DCLK2: variants seen among roughly 807,000 people sequenced by gnomAD.
DCLK2 encodes the protein doublecortin like kinase 2.
In DCLK2, 31 loss-of-function variants were observed where a neutral mutation model predicts 78.4. The observed-to-expected ratio is 0.40, with a 90% CI of 0.30 to 0.53. The LOEUF (loss-of-function observed/expected upper bound fraction) is 0.53. Ranked by LOEUF, DCLK2 falls within the 20% of genes least tolerant of loss-of-function variation. The pLI is 0.61. For missense variants in DCLK2, 872 were observed against 973.7 expected, an observed-to-expected ratio of 0.90 and a Z score of 1.39; for synonymous variants, 407 against 374.9, an observed-to-expected ratio of 1.09 and a Z score of -0.99.
At chr4:150,147,232 A>G (rs953777119) in intron 2 of DCLK2, among the ~76,000 whole-genome samples, 1 of 152,164 alleles carries the variant, frequency 6.6e-6, no homozygotes, top group Non-Finnish European at 1.5e-5. Flanking sequence ...CAGGAGTTCA[A>G]GGTTACAGTG....
chr4:150,218,124 C>T (rs1740883958), intron 5 of DCLK2, among the ~76,000 whole-genome samples: 1 of 129,236 alleles, frequency 7.7e-6, no homozygotes. Flanking sequence ...CCTGTTCCTT[C>T]TGAGGCTCAA....
chr4:150,252,545 T>C (rs1744252078), intron 15 of DCLK2, among the ~76,000 whole-genome samples: 2 of 152,234 alleles, frequency 1.3e-5, no homozygotes, highest in Admixed American at 6.5e-5. Context: ...GCTGACATTC[T>C]GGAATGATTA....
rs1309518200 is a variant in DCLK2 at position 150,249,703 on chromosome 4, G to T, written c.2073+19G>T. On this transcript the variant is annotated intron_variant, in intron 15 of 15. Transcript: ENST00000296550. ...CATCATGGTGAGTGGAAGGCGGCAG[G>T]TCTGGCCTGACTGCGGAGCCGGCCT... The T allele has an allele frequency of 3.7e-6, 6 of 1,603,284 alleles. No homozygotes were observed. In the East Asian group the frequency reaches 6.7e-5, roughly 18 times the overall value.
At chr4:150,223,147 A>G (rs149266219) in intron 7 of DCLK2, among the ~76,000 whole-genome samples, 242 of 152,290 alleles carry the variant, frequency 1.6e-3, no homozygotes, top group African/African-American at 5.7e-3. Context: ...GAGTCCTTTT[A>G]CCCAGTTCTT....
At chr4:150,144,437 G>A (rs1042755534) in intron 2 of DCLK2, among the ~76,000 whole-genome samples, 3 of 152,032 alleles carry the variant, frequency 2.0e-5, no homozygotes, top group Non-Finnish European at 4.4e-5. Flanking sequence ...CCATTGATCC[G>A]TGTGCATATT....
intron 10 of DCLK2, among the ~76,000 whole-genome samples, chr4:150,234,926 C>G (rs1010844834): frequency 1.3e-5 from 2 of 152,198 alleles, no homozygotes; most frequent in African/African-American, 4.8e-5. Context: ...CACCGTCGAA[C>G]TGAGTTTGGC....
intron 3 of DCLK2, among the ~76,000 whole-genome samples, chr4:150,195,196 C>T (rs371864741): frequency 8.4e-4 from 2 of 2,394 alleles, no homozygotes; most frequent in Non-Finnish European, 4.6e-3. Flanking sequence ...ATTATATAAA[C>T]AATATTATAT....
chr4:150,243,286 G>A (rs552964029), intron 12 of DCLK2, among the ~76,000 whole-genome samples: 1 of 152,228 alleles, frequency 6.6e-6, no homozygotes, highest in South Asian at 2.1e-4. Context: ...TTCAGAAGCA[G>A]GTCATAGACC....
rs982859820 is a variant in DCLK2, at chr4:150,102,579, C to G, written c.523C>G (p.Arg175Gly). The change falls in exon 2 of 16, where the codon CGA (arginine) becomes GGA (glycine). Residue 175 changes from arginine to glycine, a missense_variant. Arg to Gly is a moderately radical substitution (Grantham distance 125). Coordinates refer to ENST00000296550, the MANE Select transcript of DCLK2 (RefSeq NM_001040260.4). ...TGTGAACATCAAGGGTGGGACATCC[C>G]GAGCGCTGGCTGCTGCCTCCTCTGT... ...WSVNIKGGTSRALAAASSVKS... is the reference protein window; with the variant it reads ...WSVNIKGGTSGALAAASSVKS... 1.2e-6 allele frequency: 2 copies of G among 1,613,968 alleles called. No homozygotes were observed. Among genetic ancestry groups the G allele is most frequent in the African/African-American group, 2.7e-5 (2 of 74,892 alleles).
At chr4:150,229,661 C>T (rs963361081) in intron 8 of DCLK2, among the ~76,000 whole-genome samples, 2 of 152,070 alleles carry the variant, frequency 1.3e-5, no homozygotes, top group Admixed American at 6.5e-5. Context: ...TCTCTTTGTA[C>T]GTTAAAAATC....
intron 2 of DCLK2, among the ~76,000 whole-genome samples, chr4:150,148,854 G>C (rs1272715600): frequency 6.6e-6 from 1 of 151,678 alleles, no homozygotes; most frequent in Non-Finnish European, 1.5e-5. Context: ...GTAACATGGT[G>C]AAACCCCGTT....
intron 10 of DCLK2, among the ~76,000 whole-genome samples, chr4:150,235,578 C>T (rs1314562084): frequency 1.3e-5 from 2 of 152,022 alleles, no homozygotes; most frequent in African/African-American, 2.4e-5. Flanking sequence ...CTGGAAGAGG[C>T]GAATATGTGA....
chr4:150,256,560 T>G lies in DCLK2; in HGVS notation c.*313T>G, dbSNP rs529186402. On this transcript the variant is annotated 3_prime_UTR_variant, in exon 16 of 16. Transcript: ENST00000296550. Reference sequence around the variant, plus strand: ...ATTTTACAGCTTCACCAGGAGAATGTGCAACTTTATTCCAGCATTCGATGC... The same window carrying G: ...ATTTTACAGCTTCACCAGGAGAATGGGCAACTTTATTCCAGCATTCGATGC... The G allele has an allele frequency of 2.1e-5, 7 of 340,424 alleles. No individual in the cohort carries two copies. Among genetic ancestry groups the G allele is most frequent in the Admixed American group, 1.4e-4 (3 of 22,056 alleles). 21.1% of individuals were successfully genotyped at this position (340,424 alleles called of 1,614,324 possible).
chr4:150,165,802 G>T (rs182478842), intron 2 of DCLK2, among the ~76,000 whole-genome samples: 8 of 152,358 alleles, frequency 5.3e-5, no homozygotes, highest in Admixed American at 4.6e-4. Flanking sequence ...TTAATCCCCA[G>T]TGCAACAGTG....
At chr4:150,124,073 C>T (rs1732759365) in intron 2 of DCLK2, among the ~76,000 whole-genome samples, 1 of 151,898 alleles carries the variant, frequency 6.6e-6, no homozygotes. Context: ...AAGAGCGCCA[C>T]ACTTGAAAGA....
intron 2 of DCLK2, among the ~76,000 whole-genome samples, chr4:150,191,143 A>T (rs938656003): frequency 2.0e-5 from 3 of 151,868 alleles, no homozygotes; most frequent in Non-Finnish European, 4.4e-5. Context: ...CAAACAAAAA[A>T]CCCATTAGCA....
intron 2 of DCLK2, among the ~76,000 whole-genome samples, chr4:150,108,917 G>C (rs543312797): frequency 5.3e-5 from 8 of 152,316 alleles, no homozygotes; most frequent in African/African-American, 1.7e-4. Context: ...AACACTTCCA[G>C]ACTTTGGGAC....
chr4:150,112,167 G>A (rs1444089823), intron 2 of DCLK2, among the ~76,000 whole-genome samples: 1 of 152,078 alleles, frequency 6.6e-6, no homozygotes, highest in African/African-American at 2.4e-5. Context: ...TCCTTCTAGA[G>A]ATCGCTCATC....
intron 15 of DCLK2, among the ~76,000 whole-genome samples, chr4:150,255,120 T>G (rs1387938176): frequency 6.6e-6 from 1 of 152,234 alleles, no homozygotes; most frequent in Non-Finnish European, 1.5e-5. Context: ...CTCCAGACTT[T>G]TTTTGTTGTT....
Sources: gnomAD v4.1 joint callset for allele counts (sites outside exome capture counted in the v4.1 genomes callset) on GRCh38, gnomAD v4.1.1 for gene constraint, MANE v1.5 for transcripts, NCBI Gene and HGNC (gene_info 2026-07-23, HGNC 2026-07-21) for gene names.